FBLN7: variants seen among roughly 807,000 people sequenced by gnomAD.
FBLN7 encodes fibulin-7.
In FBLN7, 31 loss-of-function variants were observed where a neutral mutation model predicts 44.0. The ratio of observed to expected loss-of-function variants is 0.70; its 90% CI spans 0.53 to 0.95. The LOEUF (loss-of-function observed/expected upper bound fraction) is 0.95, where lower values mean the gene tolerates loss of function less well. FBLN7 is among the 40% of genes least tolerant of loss of function. The pLI, the probability that FBLN7 is intolerant of heterozygous loss-of-function variation, is 0.00. For missense variants in FBLN7, 573 were observed against 618.5 expected (o/e 0.93, Z 0.78); for synonymous variants, 262 against 253.4 (o/e 1.03, Z -0.32).
chr2:112,221,788 T>C, the FBLN7 span, among the ~76,000 whole-genome samples: 2 of 152,158 alleles, frequency 1.3e-5, no homozygotes, highest in African/African-American at 4.8e-5. Context: ...TCCTTAGATT[T>C]CTTGGATTGG....
chr2:112,156,545 C>T (rs910096701), intron 1 of FBLN7, among the ~76,000 whole-genome samples: 1 of 152,088 alleles, frequency 6.6e-6, no homozygotes, highest in Non-Finnish European at 1.5e-5. Context: ...AGGAAGGGGA[C>T]GTGGGTGTGG....
chr2:112,227,379 G>A, the FBLN7 span, among the ~76,000 whole-genome samples: 3 of 152,168 alleles, frequency 2.0e-5, no homozygotes, highest in African/African-American at 7.2e-5. Context: ...ACAAAAATTA[G>A]CCGGGCGTGG....
the FBLN7 span, chr2:112,238,422 T>A: frequency 1.2e-6 from 2 of 1,613,734 alleles, no homozygotes; most frequent in Admixed American, 3.3e-5. Flanking sequence ...GGCAAAATTA[T>A]CTTCTGATTC....
At chr2:112,150,168 A>G (rs1222898480) in intron 1 of FBLN7, among the ~76,000 whole-genome samples, 1 of 152,084 alleles carries the variant, frequency 6.6e-6, no homozygotes, top group Non-Finnish European at 1.5e-5. Flanking sequence ...ATGGAAGGGG[A>G]GGGGGTTATG....
chr2:112,187,373 T>C lies in FBLN7; in HGVS notation c.1187T>C (p.Leu396Pro). ...MQRSDRQTGD[L>P]ILVQNLEGPQ... ...CGTTCAGACCGGCAGACTGGGGATC[T>C]GATCCTTGTGCAGAACCTGGAGGGG... Residue 396 changes from leucine to proline, a missense_variant, in exon 8 of 8, where the codon CTG (leucine) becomes CCG (proline). Coordinates refer to ENST00000331203, the MANE Select transcript of FBLN7 (RefSeq NM_153214.3). This position sits in a 1 kb window ranked among gnomAD's most constrained non-coding sequence, Gnocchi z 5.1. 1.9e-6 allele frequency: 3 copies of C among 1,614,176 alleles called. No individual in the cohort carries two copies. The highest frequency in any genetic ancestry group is 2.5e-6 in the Non-Finnish European group (3 of 1,180,032).
At chr2:112,180,125 A>G (rs1006002302) in intron 4 of FBLN7, among the ~76,000 whole-genome samples, 4 of 152,214 alleles carry the variant, frequency 2.6e-5, no homozygotes, top group Admixed American at 2.6e-4. Flanking sequence ...TCTATAAGGA[A>G]CTTAAATTTA....
At chr2:112,149,089 G>C (rs1681019712) in intron 1 of FBLN7, among the ~76,000 whole-genome samples, 1 of 152,194 alleles carries the variant, frequency 6.6e-6, no homozygotes, top group Admixed American at 6.5e-5. Context: ...GGGTGGTGAT[G>C]GGGAGGTTCT....
chr2:112,153,005 A>G (rs1486428061), intron 1 of FBLN7: 4 of 152,140 alleles, frequency 2.6e-5, no homozygotes, highest in Admixed American at 1.3e-4. Flanking sequence ...TTCTGTAGAG[A>G]GTTCTGACTA....
chr2:112,178,556 A>T (rs1251444079), intron 4 of FBLN7, among the ~76,000 whole-genome samples: 1 of 152,184 alleles, frequency 6.6e-6, no homozygotes, highest in Non-Finnish European at 1.5e-5. Flanking sequence ...CAAAAAAAGA[A>T]AATGTCAGGC....
intron 1 of FBLN7, among the ~76,000 whole-genome samples, chr2:112,155,276 C>T (rs1681356181): frequency 2.0e-5 from 3 of 152,218 alleles, no homozygotes; most frequent in African/African-American, 7.2e-5. Context: ...CATCATCTAG[C>T]TTTGCAAAGG....
intron 1 of FBLN7, among the ~76,000 whole-genome samples, chr2:112,157,930 G>A (rs533088657): frequency 6.3e-4 from 89 of 141,672 alleles, no homozygotes; most frequent in Non-Finnish European, 1.1e-3. Flanking sequence ...ACGGAGTCTC[G>A]CTGTCGCCCA....
At chr2:112,214,072 G>C in the FBLN7 span, 1 of 150,654 alleles carries the variant, frequency 6.6e-6, no homozygotes, top group South Asian at 2.1e-4. Flanking sequence ...TCAGCCTCCC[G>C]AGTAGCTGGG....
intron 1 of FBLN7, among the ~76,000 whole-genome samples, chr2:112,147,668 GTCTC>G (rs2104541717): frequency 6.6e-6 from 1 of 152,256 alleles, no homozygotes; most frequent in Non-Finnish European, 1.5e-5. Context: ...TTGGGAGAGA[GTCTC>G]TCTGCTATCC....
intron 2 of FBLN7, among the ~76,000 whole-genome samples, chr2:112,160,894 G>A (rs1681834693): frequency 6.6e-6 from 1 of 151,290 alleles, no homozygotes. Flanking sequence ...CAATACACTG[G>A]TTCCAGTCCA....
chr2:112,237,717 A>G, the FBLN7 span, among the ~76,000 whole-genome samples: 1 of 151,958 alleles, frequency 6.6e-6, no homozygotes, highest in Non-Finnish European at 1.5e-5. Flanking sequence ...CTGGGATTAC[A>G]GGCATGTGCC....
chr2:112,141,258 A>G (rs992247096), intron 1 of FBLN7, among the ~76,000 whole-genome samples: 5 of 152,234 alleles, frequency 3.3e-5, no homozygotes, highest in African/African-American at 1.2e-4. Context: ...AGTGAGGCCC[A>G]GGGAGGATGA....
the FBLN7 span, among the ~76,000 whole-genome samples, chr2:112,230,421 T>G: frequency 1.5e-4 from 23 of 152,274 alleles, no homozygotes; most frequent in African/African-American, 5.5e-4. Flanking sequence ...GTTAGTATTT[T>G]TAAAAATTGA....
the FBLN7 span, among the ~76,000 whole-genome samples, chr2:112,196,330 C>T: frequency 1.3e-5 from 2 of 150,516 alleles, no homozygotes; most frequent in African/African-American, 2.4e-5. Context: ...TGACTCTGTG[C>T]ACCTGCCTTA....
At chr2:112,159,856 C>T (rs559468339) in intron 2 of FBLN7, 21 bp downstream of exon 2, 19 of 1,506,266 alleles carry the variant, frequency 1.3e-5, no homozygotes, top group Admixed American at 2.2e-5. Context: ...ACGTCGGCAC[C>T]GCTGGGGCGG....
Sources: gnomAD v4.1 joint callset for allele counts (sites outside exome capture counted in the v4.1 genomes callset) on GRCh38, gnomAD v4.1.1 for gene constraint, Gnocchi (gnomAD v3.1) non-coding constraint, MANE v1.5 for transcripts, NCBI Gene and HGNC (gene_info 2026-07-23, HGNC 2026-07-21) for gene names.